The following TAOK2 variants were observed in gnomAD, a reference collection of about 807,000 sequenced individuals.
TAOK2 encodes serine/threonine-protein kinase TAO2.
In TAOK2, 42 loss-of-function variants were observed where a neutral mutation model predicts 122.5. That is an observed-to-expected ratio of 0.34 (90% CI 0.27 to 0.44). TAOK2 has a LOEUF of 0.44. Ranked by LOEUF, TAOK2 falls within the 20% of genes least tolerant of loss-of-function variation. The probability of loss-of-function intolerance (pLI) is 1.00; values close to 1 mark genes in which losing one functional copy is unlikely to be tolerated. For missense variants in TAOK2, 1,264 were observed against 1,644.9 expected (o/e 0.77, Z 4.01); for synonymous variants, 704 against 677.6 (o/e 1.04, Z -0.61).
In TAOK2 at chr16:29,985,379, C is replaced by T. The variant is rs759204508; in HGVS notation, c.1589C>T (p.Ala530Val). The change falls in exon 14 of 16, where the codon GCG (alanine) becomes GTG (valine). Residue 530 changes from alanine to valine, a missense_variant. Ala to Val is a moderately conservative substitution (Grantham distance 64). This residue lies in a region of TAOK2 where 64 missense variants were observed against 115.7 expected (regional missense o/e 0.55). Coordinates refer to ENST00000308893, the MANE Select transcript of TAOK2 (RefSeq NM_016151.4). This position sits in a 1 kb window ranked among gnomAD's most constrained non-coding sequence, Gnocchi z 6.9. The part of the protein sequence containing the change: ...HSARLQRELE[A>V]QRAGFGAEAE... ...GCACGGCTGCAGCGGGAGCTTGAGG[C>T]GCAGCGGGCTGGCTTTGGGGCAGAG... The T allele has an allele frequency of 7.5e-6, 12 of 1,609,524 alleles. No homozygotes were observed. The South Asian group carries it at 8.8e-5, about 12-fold the overall frequency.
rs892257954 is a variant in TAOK2 at position 29,982,850 on chromosome 16, G to T, written c.948G>T (p.Leu316=). Residue 316 remains leucine, a synonymous_variant, in exon 11 of 16, where the codon CTG becomes CTT. Transcript: ENST00000308893. ...AGTACCGCAAGATGAAGAAGATCCT[G>T]TTCCAAGAGGCACCCAACGGCCCTG... ...NLQYRKMKKI[L]FQEAPNGPGA... is the part of the protein sequence containing the mutation. 6.2e-7 allele frequency: 1 copy of T among 1,614,104 alleles called. No individual in the cohort carries two copies. Among genetic ancestry groups the T allele is most frequent in the Non-Finnish European group, 8.5e-7 (1 of 1,179,990 alleles).
Position 29,982,764 on chromosome 16 carries a change from A to G in TAOK2, c.862A>G (p.Thr288Ala), listed in dbSNP as rs748396259. Residue 288 changes from threonine (T) to alanine (A), a missense_variant, in exon 11 of 16, where the codon ACA becomes GCA. Thr to Ala is a moderately conservative substitution (Grantham distance 58). Around this residue, in one of 4 missense-constraint regions of TAOK2, gnomAD observed 254 missense variants for 503.8 expected, o/e 0.50. Transcript: ENST00000308893. ...CTTTGTGCTCCGGGAGCGGCCACCC[A>G]CAGTCATCATGGACCTGATCCAGAG... is the stretch of plus-strand genomic sequence containing the variant. ...HRFVLRERPP[T>A]VIMDLIQRTK... 1.9e-6 allele frequency: 3 copies of G among 1,613,922 alleles called. No homozygotes were observed. Among genetic ancestry groups the G allele is most frequent in the Non-Finnish European group, 2.5e-6 (3 of 1,179,880 alleles).
At chr16:29,984,485 T>A (rs1302198848) in intron 13 of TAOK2, among the ~76,000 whole-genome samples, 2 of 152,180 alleles carry the variant, frequency 1.3e-5, no homozygotes, top group Non-Finnish European at 2.9e-5. Flanking sequence ...ACTGATTAAG[T>A]CTAGTATGTT....
At chr16:29,988,452 T>G, downstream of TAOK2, 1 of 1,253,956 alleles carries the variant, frequency 8.0e-7, no homozygotes, top group Admixed American at 2.9e-5. Context: ...GCCTCCCCGG[T>G]ATGCCCCCAG....
rs752906788 is a variant in TAOK2 at position 29,978,102 on chromosome 16, G to A, written c.146G>A (p.Arg49Gln). Reference sequence around the variant, plus strand: ...CTGGTCCTCTAGGCCCGGGATGTCCGGAATAGTGAGGTGGTGGCCATCAAG... The same window carrying A: ...CTGGTCCTCTAGGCCCGGGATGTCCAGAATAGTGAGGTGGTGGCCATCAAG... ...FGAVYFARDV[R>Q]NSEVVAIKKM... Residue 49 changes from arginine (R) to glutamine (Q), a missense_variant, in exon 3 of 16, where the codon CGG becomes CAG. Physicochemically the swap from Arg to Gln is conservative, Grantham distance 43. This residue lies in a region of TAOK2 where 254 missense variants were observed against 503.8 expected (regional missense o/e 0.50). Coordinates refer to ENST00000308893, the MANE Select transcript of TAOK2 (RefSeq NM_016151.4). 4.3e-6 allele frequency: 7 copies of A among 1,614,124 alleles called. No individual in the cohort carries two copies. Among genetic ancestry groups the A allele is most frequent in the South Asian group, 3.3e-5 (3 of 91,076 alleles).
rs1020575217 is a variant in TAOK2 at position 29,985,856 on chromosome 16, C to T, written c.1987C>T (p.Arg663Trp). 1.9e-6 allele frequency: 3 copies of T among 1,611,344 alleles called. No homozygotes were observed. Among genetic ancestry groups the T allele is most frequent in the African/African-American group, 1.3e-5 (1 of 74,946 alleles). ...ARHSLDQDLLREDLNKKQTQK... is the reference protein window; with the variant it reads ...ARHSLDQDLLWEDLNKKQTQK... ...GCACAGCCTGGACCAGGACCTGCTG[C>T]GGGAGGTAGGCATCCCAATCTCTGT... is the stretch of plus-strand genomic sequence containing the variant. Residue 663 changes from arginine (R) to tryptophan (W), a missense_variant, in exon 15 of 16, where the codon CGG becomes TGG. Arg to Trp is a moderately radical substitution (Grantham distance 101, BLOSUM62 -3). Transcript: ENST00000308893. The surrounding 1 kb of genome is among the most constrained non-coding windows in gnomAD (Gnocchi z 6.9).
At chr16:29,983,003 C>T in intron 11 of TAOK2, 69 bp from the exon 12 acceptor site, 1 of 1,606,306 alleles carries the variant, frequency 6.2e-7, no homozygotes, top group Non-Finnish European at 8.5e-7. Context: ...ACCATCTTCC[C>T]ATGCTACCTC....
chr16:29,986,548 C>T lies in TAOK2; in HGVS notation c.2276C>T (p.Pro759Leu). ...CCCCCGGGCCTTCCACTCCCCATTC[C>T]TGGGGCTCTGGGCCCACCCAACACA... ...QRPPGLPLPI[P>L]GALGPPNTGT... The change falls in exon 16 of 16, where the codon CCT (proline) becomes CTT (leucine). Residue 759 changes from proline (P) to leucine (L), a missense_variant. Pro to Leu is a moderately conservative substitution (Grantham distance 98, BLOSUM62 -3). Around this residue, in one of 4 missense-constraint regions of TAOK2, gnomAD observed 824 missense variants for 908.7 expected, o/e 0.91. Transcript: ENST00000308893. This position sits in a 1 kb window ranked among gnomAD's most constrained non-coding sequence, Gnocchi z 4.2. 1.2e-6 allele frequency: 2 copies of T among 1,613,806 alleles called. No individual in the cohort carries two copies. The highest frequency in any genetic ancestry group is 1.7e-6 in the Non-Finnish European group (2 of 1,179,894).
At position 29,988,357 on chromosome 16, in the gene TAOK2, AG is replaced by A. The variant is rs2069882885; in HGVS notation, c.*378del. 7.4e-7 allele frequency: 1 copy of A among 1,358,370 alleles called. No homozygotes were observed. Among genetic ancestry groups the A allele is most frequent in the Admixed American group, 2.2e-5 (1 of 45,084 alleles). The allele number at this position is 1,358,370 out of a possible 1,614,324, so 84.1% of individuals were successfully genotyped here. On this transcript the variant is annotated 3_prime_UTR_variant, in exon 16 of 16. Transcript: ENST00000308893. The stretch of plus-strand genomic sequence containing the variant: ...CTGTCCCCTTCCCCCCACCAAAAAA[AG>A]AAAAAGACAAACACAAATAAAATAT...
At chr16:29,976,767 G>A (rs1421113352) in intron 1 of TAOK2, among the ~76,000 whole-genome samples, 2 of 152,208 alleles carry the variant, frequency 1.3e-5, no homozygotes, top group African/African-American at 4.8e-5. Context: ...CCGGGGAGCC[G>A]AAGGTCCTGT....
chr16:29,982,243 C>G (rs2069641000), intron 10 of TAOK2, among the ~76,000 whole-genome samples: 2 of 152,236 alleles, frequency 1.3e-5, no homozygotes, highest in Non-Finnish European at 1.5e-5. Flanking sequence ...TGATGTAATG[C>G]AAGCCAAAAG....
At position 29,978,964 on chromosome 16, in the gene TAOK2, C is replaced by G. The variant is rs752046078; in HGVS notation, c.353-10C>G. ...GCTCCCTCGGGTTGATGTTCTTCCTCACTCTCCAGTGCACAAGAAACCCCT... is the reference window on the plus strand; with the variant it reads ...GCTCCCTCGGGTTGATGTTCTTCCTGACTCTCCAGTGCACAAGAAACCCCT... On this transcript the variant is annotated splice_polypyrimidine_tract_variant and intron_variant, in intron 5 of 15. Coordinates refer to ENST00000308893, the MANE Select transcript of TAOK2 (RefSeq NM_016151.4). 34 of 1,614,044 alleles carry G rather than the reference C, an allele frequency of 2.1e-5. No homozygotes were observed. The highest frequency in any genetic ancestry group is 2.5e-5 in the Non-Finnish European group (30 of 1,180,016).
rs772595318 is a variant in TAOK2 at position 29,985,358 on chromosome 16, G to A, written c.1568G>A (p.Arg523Gln). Residue 523 changes from arginine (R) to glutamine (Q), a missense_variant, in exon 14 of 16, where the codon CGG becomes CAG. This residue lies in a region of TAOK2 where 64 missense variants were observed against 115.7 expected (regional missense o/e 0.55). Transcript: ENST00000308893. The surrounding 1 kb of genome is among the most constrained non-coding windows in gnomAD (Gnocchi z 6.9). The stretch of plus-strand genomic sequence containing the variant: ...GGTGAACGGGAGGAGCACAGTGCAC[G>A]GCTGCAGCGGGAGCTTGAGGCGCAG... Reference protein sequence around the residue: ...LRGEREEHSARLQRELEAQRA... With the variant: ...LRGEREEHSAQLQRELEAQRA... 1.2e-6 allele frequency: 2 copies of A among 1,611,580 alleles called. No individual in the cohort carries two copies. Among genetic ancestry groups the A allele is most frequent in the Non-Finnish European group, 1.7e-6 (2 of 1,178,620 alleles).
At chr16:29,992,164 C>T (rs749283906), downstream of TAOK2, 1 of 151,432 alleles carries the variant, frequency 6.6e-6, no homozygotes, top group African/African-American at 2.4e-5. Flanking sequence ...AGGGGCTGCT[C>T]CCAGGCCTGG....
At chr16:29,975,800 C>T (rs1397798282) in intron 1 of TAOK2, among the ~76,000 whole-genome samples, 1 of 152,190 alleles carries the variant, frequency 6.6e-6, no homozygotes. Flanking sequence ...AATCCATATG[C>T]TGAGTGTCTG....
At position 29,982,905 on chromosome 16, in the gene TAOK2, A is replaced by G; in HGVS notation, c.999+4A>G. 6.2e-7 allele frequency: 1 copy of G among 1,613,446 alleles called. No homozygotes were observed. The highest frequency in any genetic ancestry group is 2.2e-5 in the East Asian group (1 of 44,890). ...CGAGGCCCCAGAGGAGGAAGAGGTG[A>G]CCCAGCTTGCCCTAACACCCCTCTT... On this transcript the variant is annotated splice_donor_region_variant and intron_variant, in intron 11 of 15. Coordinates refer to ENST00000308893, the MANE Select transcript of TAOK2 (RefSeq NM_016151.4).
In TAOK2 at chr16:29,983,013, C is replaced by G. The variant is rs1392581776; in HGVS notation, c.1000-59C>G. ...ACACCACCATCTTCCCATGCTACCT[C>G]CATGCATATGCCCCAGGGCTTCCCC... On this transcript the variant is annotated intron_variant, in intron 11 of 15. Coordinates refer to ENST00000308893, the MANE Select transcript of TAOK2 (RefSeq NM_016151.4). 4 of 1,608,628 alleles carry G rather than the reference C, an allele frequency of 2.5e-6. No individual in the cohort carries two copies. In the African/African-American group the frequency reaches 5.3e-5, roughly 21 times the overall value.
At chr16:29,981,805 GGA>G in intron 9 of TAOK2, 51 bp downstream of exon 9, 1 of 1,610,290 alleles carries the variant, frequency 6.2e-7, no homozygotes, top group South Asian at 1.1e-5. Flanking sequence ...CATGGGGTAT[GGA>G]TGCCTGACTC....
chr16:29,983,743 T>G, intron 13 of TAOK2, 79 bp downstream of exon 13: 1 of 1,534,310 alleles, frequency 6.5e-7, no homozygotes, highest in South Asian at 1.2e-5. Context: ...ATTTCCTCCC[T>G]GTGGCATGGG....
Sources: allele counts gnomAD v4.1 joint callset (sites outside exome capture counted in the v4.1 genomes callset), GRCh38; gene constraint gnomAD v4.1.1; regional missense constraint gnomAD v4.1.1; non-coding constraint Gnocchi (gnomAD v3.1); transcripts MANE v1.5; gene names NCBI Gene and HGNC (gene_info 2026-07-23, HGNC 2026-07-21).